The following TPTE2 variants were observed in gnomAD, a reference collection of about 807,000 sequenced individuals.
The protein encoded by TPTE2 is transmembrane phosphoinositide 3-phosphatase and tensin homolog 2, also known as phosphatidylinositol 3,4,5-trisphosphate 3-phosphatase TPTE2.
In TPTE2, 53 loss-of-function variants were observed where a neutral mutation model predicts 78.6. The observed-to-expected ratio is 0.67, with a 90% CI of 0.54 to 0.85. The LOEUF is 0.85. Among genes scored for constraint, TPTE2 ranks in the 40% least tolerant of loss-of-function variants. TPTE2 has a pLI of 0.00. For missense variants in TPTE2, 461 were observed against 623.0 expected (o/e 0.74, Z 2.77); for synonymous variants, 175 against 206.2 (o/e 0.85, Z 1.30).
chr13:19,516,216 C>T (rs1869780175), intron 1 of TPTE2, among the ~76,000 whole-genome samples: 1 of 152,166 alleles, frequency 6.6e-6, no homozygotes, highest in African/African-American at 2.4e-5. Flanking sequence ...ATGAAAAGTA[C>T]GTCTCCGACC....
chr13:19,499,391 A>T, intron 1 of TPTE2, among the ~76,000 whole-genome samples: 1 of 151,194 alleles, frequency 6.6e-6, no homozygotes, highest in Non-Finnish European at 1.5e-5. Flanking sequence ...TTGACCACAT[A>T]CTTGGAAGTA....
intron 1 of TPTE2, among the ~76,000 whole-genome samples, chr13:19,533,456 T>C (rs556955152): frequency 7.9e-5 from 12 of 152,366 alleles, no homozygotes; most frequent in Non-Finnish European, 1.6e-4. Context: ...ATTTCACTGA[T>C]GGAAGGTTAT....
chr13:19,520,772 C>T (rs951305718), intron 1 of TPTE2, among the ~76,000 whole-genome samples: 9 of 151,844 alleles, frequency 5.9e-5, no homozygotes, highest in Non-Finnish European at 8.8e-5. Context: ...AGCTGCATTC[C>T]ATAAGTTTTG....
intron 6 of TPTE2, among the ~76,000 whole-genome samples, chr13:19,470,561 T>C (rs1879546920): frequency 6.6e-6 from 1 of 152,188 alleles, no homozygotes; most frequent in African/African-American, 2.4e-5. Flanking sequence ...AGTCTCACTC[T>C]GTCACCCAGG....
intron 18 of TPTE2, 190 bp downstream of exon 21, chr13:19,426,235 T>C (rs1876057243): frequency 1.9e-6 from 1 of 528,574 alleles, no homozygotes; most frequent in Admixed American, 3.4e-5. Flanking sequence ...AAATTTACAA[T>C]TTAGAAAAAA....
intron 1 of TPTE2, among the ~76,000 whole-genome samples, chr13:19,498,021 G>A (rs1197665799): frequency 3.3e-5 from 5 of 151,206 alleles, no homozygotes; most frequent in Admixed American, 6.6e-5. Context: ...CTCAGGAGCC[G>A]ATGCGATCAA....
At position 19,475,553 on chromosome 13, in the gene TPTE2, G is replaced by C. The variant is rs1278417499; in HGVS notation, c.230+20C>G. ...GTCTCAGATATATTTAATACATGGT[G>C]TTTTCTATGTCTCACATACCCAAAT... is the stretch of plus-strand genomic sequence containing the variant. On this transcript the variant is annotated intron_variant, in intron 5 of 19. Coordinates refer to ENST00000400230, the Ensembl canonical transcript of TPTE2. The C allele has an allele frequency of 6.2e-7, 1 of 1,605,944 alleles. No homozygotes were observed. Among genetic ancestry groups the C allele is most frequent in the East Asian group, 2.2e-5 (1 of 44,758 alleles).
At chr13:19,465,540 T>C (rs1879216455) in exon 8 of TPTE2, 2 of 1,603,482 alleles carry the variant, frequency 1.2e-6, no homozygotes, top group Non-Finnish European at 1.7e-6. Context: ...TAATAAGTCG[T>C]AGAAGTCGAA....
intron 15 of TPTE2, among the ~76,000 whole-genome samples, chr13:19,435,791 C>CAT (rs1555247763): frequency 5.0e-4 from 76 of 150,882 alleles, no homozygotes; most frequent in Non-Finnish European, 9.5e-4. Context: ...CACACACACA[C>CAT]ACCAGGAGTC....
chr13:19,523,074 T>C (rs1287960789), intron 1 of TPTE2, among the ~76,000 whole-genome samples: 1 of 152,162 alleles, frequency 6.6e-6, no homozygotes, highest in Non-Finnish European at 1.5e-5. Context: ...AAGATAGCCT[T>C]GTGCATGGGG....
chr13:19,457,621 T>C (rs1005500298), intron 10 of TPTE2, among the ~76,000 whole-genome samples: 2 of 152,070 alleles, frequency 1.3e-5, no homozygotes, highest in African/African-American at 4.8e-5. Flanking sequence ...GAACATGCGA[T>C]GTTTGGTTTT....
intron 14 of TPTE2, among the ~76,000 whole-genome samples, chr13:19,436,586 G>A: frequency 6.6e-6 from 1 of 151,996 alleles, no homozygotes; most frequent in Non-Finnish European, 1.5e-5. Context: ...CTAATTTTTT[G>A]TATTTTTAGT....
intron 13 of TPTE2, among the ~76,000 whole-genome samples, chr13:19,440,650 A>G (rs1877427226): frequency 6.6e-6 from 1 of 152,030 alleles, no homozygotes; most frequent in South Asian, 2.1e-4. Flanking sequence ...CACACCTGTA[A>G]TCCCAGTGAC....
In TPTE2 at chr13:19,514,806, A is replaced by G. The variant is rs954036061; in HGVS notation, c.-43-11529T>C. ...ACATTTTGTGAACTTAAAGTGGATT[A>G]TGTGTTTACAATGATTTTGTTTTCT... is the stretch of plus-strand genomic sequence containing the variant. On this transcript the variant is annotated intron_variant, in intron 1 of 17. Coordinates refer to the TPTE2 transcript ENST00000390680. Among the ~76,000 whole-genome samples the G allele has an allele frequency of 4.3e-4, 65 of 152,282 alleles. 1 individual carries two copies. The highest frequency in any genetic ancestry group is 1.5e-3 in the African/African-American group (62 of 41,562).
chr13:19,480,872 T>C (rs1404726277), intron 4 of TPTE2, among the ~76,000 whole-genome samples: 3 of 152,114 alleles, frequency 2.0e-5, no homozygotes, highest in Admixed American at 6.6e-5. Context: ...TAACCAACAA[T>C]ATAGACATTT....
the TPTE2 span, chr13:19,561,122 C>A: frequency 1.6e-5 from 26 of 1,604,792 alleles, no homozygotes; most frequent in Admixed American, 4.1e-4. Context: ...GCCTGGGAGG[C>A]AGTGGGTGGG....
At chr13:19,447,106 TACTACTGGTA>T (rs1196942163) in intron 13 of TPTE2, among the ~76,000 whole-genome samples, 1 of 152,178 alleles carries the variant, frequency 6.6e-6, no homozygotes, top group Non-Finnish European at 1.5e-5. Flanking sequence ...ACTATCATGA[TACTACTGGTA>T]ACCTGCAGGC....
chr13:19,544,572 T>C, the TPTE2 span, among the ~76,000 whole-genome samples: 1 of 152,194 alleles, frequency 6.6e-6, no homozygotes, highest in Non-Finnish European at 1.5e-5. Context: ...ATTAAAAACA[T>C]TCTAAACATT....
At chr13:19,506,158 A>ATTTTTTTTTTT (rs1566069858), upstream of TPTE2, among the ~76,000 whole-genome samples, 4 of 23,554 alleles carry the variant, frequency 1.7e-4, no homozygotes, top group Non-Finnish European at 2.9e-4. Context: ...GTGTATATAA[A>ATTTTTTTTTTT]TCTTTTTTTT....
Sources: allele counts gnomAD v4.1 joint callset (sites outside exome capture counted in the v4.1 genomes callset), GRCh38; gene constraint gnomAD v4.1.1; transcripts MANE v1.5; gene names NCBI Gene and HGNC (gene_info 2026-07-23, HGNC 2026-07-21).